Variants in TAB2 observed in about 807,000 individuals in gnomAD.
TAB2 encodes TGF-beta activated kinase 1 (MAP3K7) binding protein 2, also known as TGF-beta-activated kinase 1 and MAP3K7-binding protein 2.
In TAB2, 3 loss-of-function variants were observed where a neutral mutation model predicts 65.0. The observed-to-expected ratio is 0.05, with a 90% CI of 0.02 to 0.12. TAB2 has a LOEUF of 0.12. Ranked by LOEUF, TAB2 falls within the 10% of genes least tolerant of loss-of-function variation. The probability of loss-of-function intolerance (pLI) is 1.00; values close to 1 mark genes in which losing one functional copy is unlikely to be tolerated. For synonymous variants in TAB2, 298 were observed against 285.1 expected, an observed-to-expected ratio of 1.05 and a Z score of -0.46; for missense variants, 623 against 840.3, an observed-to-expected ratio of 0.74 and a Z score of 3.20.
At chr6:149,334,767 AACAAGG>A (rs1779885062) in intron 1 of TAB2, among the ~76,000 whole-genome samples, 1 of 152,166 alleles carries the variant, frequency 6.6e-6, no homozygotes, top group South Asian at 2.1e-4. Flanking sequence ...CACATACTTG[AACAAGG>A]ACATTGTGGT....
chr6:149,284,773 G>T (rs993777503), intron 1 of TAB2, among the ~76,000 whole-genome samples: 18 of 151,846 alleles, frequency 1.2e-4, no homozygotes, highest in African/African-American at 4.4e-4. Flanking sequence ...CTGCTACACT[G>T]CTAGAAAAAC....
At chr6:149,267,964 C>T (rs955203303) in intron 1 of TAB2, among the ~76,000 whole-genome samples, 4 of 152,224 alleles carry the variant, frequency 2.6e-5, no homozygotes, top group South Asian at 4.1e-4. Context: ...AGGTAAATGT[C>T]AAATTAATGA....
chr6:149,274,626 C>T (rs1778421022), intron 1 of TAB2, among the ~76,000 whole-genome samples: 1 of 152,040 alleles, frequency 6.6e-6, no homozygotes, highest in Non-Finnish European at 1.5e-5. Context: ...ACTCATTGTC[C>T]TGGAGGAAAA....
intron 1 of TAB2, among the ~76,000 whole-genome samples, chr6:149,311,936 T>C (rs1423968101): frequency 6.6e-6 from 1 of 152,252 alleles, no homozygotes; most frequent in Non-Finnish European, 1.5e-5. Flanking sequence ...GGTGATGTTA[T>C]GACAGATTGT....
chr6:149,224,740 C>T (rs761306724), intron 1 of TAB2, among the ~76,000 whole-genome samples: 11 of 152,200 alleles, frequency 7.2e-5, no homozygotes, highest in Admixed American at 2.0e-4. Context: ...TAAGAATATA[C>T]TTTGCTTTCC....
In TAB2 at chr6:149,397,759, C is replaced by A; in HGVS notation, c.1759C>A (p.Pro587Thr). 6.2e-7 allele frequency: 1 copy of A among 1,613,082 alleles called. No individual in the cohort carries two copies. Among genetic ancestry groups the A allele is most frequent in the Non-Finnish European group, 8.5e-7 (1 of 1,180,004 alleles). Residue 587 changes from proline to threonine, a missense_variant, in exon 4 of 7, where the codon CCT (proline) becomes ACT (threonine). Pro to Thr is a conservative substitution (Grantham distance 38). This residue lies in a region of TAB2 where 550 missense variants were observed against 665.7 expected (regional missense o/e 0.83). Transcript: ENST00000637181. ...AAGATCAAATTCTATATCCCAGATACCTTCCGTAAGTCTTTATGTAACTGT... is the reference window on the plus strand; with the variant it reads ...AAGATCAAATTCTATATCCCAGATAACTTCCGTAAGTCTTTATGTAACTGT... ...LKRSNSISQIPSLEEMQQLRS... is the reference protein window; with the variant it reads ...LKRSNSISQITSLEEMQQLRS...
intron 1 of TAB2, among the ~76,000 whole-genome samples, chr6:149,229,653 C>G (rs543765785): frequency 1.3e-5 from 2 of 152,246 alleles, no homozygotes; most frequent in Admixed American, 6.5e-5. Flanking sequence ...GGTGATCCAG[C>G]AGGGCCGGGA....
chr6:149,383,133 A>C (rs1279695192), intron 3 of TAB2, among the ~76,000 whole-genome samples: 2 of 152,090 alleles, frequency 1.3e-5, no homozygotes, highest in African/African-American at 4.8e-5. Context: ...TCAGCCTGGC[A>C]ACAGAGTGAG....
chr6:149,326,905 A>G (rs1779637364), intron 1 of TAB2, among the ~76,000 whole-genome samples: 4 of 152,204 alleles, frequency 2.6e-5, no homozygotes, highest in South Asian at 2.1e-4. Context: ...ATCAAATGCC[A>G]TTATTTAGAA....
chr6:149,363,287 T>C (rs943832158), intron 1 of TAB2, among the ~76,000 whole-genome samples: 2 of 152,154 alleles, frequency 1.3e-5, no homozygotes, highest in African/African-American at 4.8e-5. Flanking sequence ...CTAAACCATT[T>C]ATGAGAAATT....
intron 1 of TAB2, among the ~76,000 whole-genome samples, chr6:149,228,506 T>C (rs1173136597): frequency 1.3e-5 from 2 of 152,178 alleles, no homozygotes; most frequent in African/African-American, 4.8e-5. Context: ...CACCATCTCC[T>C]GGCTCCCCAG....
At chr6:149,280,455 C>T (rs4897107) in intron 1 of TAB2, among the ~76,000 whole-genome samples, 28,657 of 151,988 alleles carry the variant, frequency 0.19, 2,931 homozygotes, top group East Asian at 0.43. Context: ...GTGCTTAACC[C>T]CTCTTCACCC....
rs1362063036 is a variant in TAB2 at position 149,403,248 on chromosome 6, ATATATAT to A, written c.1939+4065_1939+4071del. Reference sequence around the variant, plus strand: ...AAACTCTTGTCTAAAAAAAAAAAAAATATATATATATATATATATATATATATATATA... The same window carrying A: ...AAACTCTTGTCTAAAAAAAAAAAAAAATATATATATATATATATATATATA... On this transcript the variant is annotated intron_variant, in intron 6 of 6. Coordinates refer to ENST00000637181, the MANE Select transcript of TAB2 (RefSeq NM_001292034.3). Among the ~76,000 whole-genome samples the A allele has an allele frequency of 5.2e-4, 16 of 30,572 alleles. 1 individual carries two copies. The highest frequency in any genetic ancestry group is 2.3e-3 in the African/African-American group (15 of 6,646). 20.1% of individuals were successfully genotyped at this position (30,572 alleles called of 152,430 possible). A position where few individuals can be genotyped will look rare whatever the true frequency, so the allele number is the denominator to read the frequency against.
At chr6:149,314,720 C>T (rs1158587273), upstream of TAB2, among the ~76,000 whole-genome samples, 10 of 152,280 alleles carry the variant, frequency 6.6e-5, no homozygotes, top group South Asian at 4.1e-4. Flanking sequence ...TTATGGAGCA[C>T]TTGAAATGTG....
At chr6:149,326,941 G>C (rs1779638724) in intron 1 of TAB2, among the ~76,000 whole-genome samples, 1 of 152,132 alleles carries the variant, frequency 6.6e-6, no homozygotes, top group Non-Finnish European at 1.5e-5. Flanking sequence ...CATCCTTTTG[G>C]ATAGGTCACT....
chr6:149,272,929 T>A (rs1405725363), intron 1 of TAB2, among the ~76,000 whole-genome samples: 1 of 152,176 alleles, frequency 6.6e-6, no homozygotes, highest in Admixed American at 6.5e-5. Flanking sequence ...GAACTGCACG[T>A]GAGGGATCTA....
chr6:149,403,339 TACACACAC>T (rs71010866), intron 6 of TAB2, among the ~76,000 whole-genome samples: 27,950 of 105,034 alleles, frequency 0.27, 4,060 homozygotes, highest in African/African-American at 0.27. Context: ...TACATATATA[TACACACAC>T]ACACACACAC....
intron 1 of TAB2, among the ~76,000 whole-genome samples, chr6:149,232,581 G>A (rs185467909): frequency 2.0e-5 from 3 of 152,226 alleles, no homozygotes; most frequent in Non-Finnish European, 4.4e-5. Context: ...GTGTCACTGA[G>A]GCAGGAACAA....
chr6:149,248,783 T>C (rs1777793983), intron 1 of TAB2, among the ~76,000 whole-genome samples: 2 of 152,156 alleles, frequency 1.3e-5, no homozygotes, highest in African/African-American at 4.8e-5. Context: ...AGTGCTGCTG[T>C]CCCTGCCCTG....
Sources: allele counts gnomAD v4.1 joint callset (sites outside exome capture counted in the v4.1 genomes callset), GRCh38; gene constraint gnomAD v4.1.1; regional missense constraint gnomAD v4.1.1; transcripts MANE v1.5; gene names NCBI Gene and HGNC (gene_info 2026-07-23, HGNC 2026-07-21).